Variants in GPN3 observed in about 807,000 individuals in gnomAD.
GPN3 encodes GPN-loop GTPase 3.
In GPN3, 31 loss-of-function variants were observed where a neutral mutation model predicts 38.7. The observed-to-expected ratio is 0.80, with a 90% CI of 0.60 to 1.08. The LOEUF is 1.08. Among genes scored for constraint, GPN3 ranks in the 50% least tolerant of loss-of-function variants. The probability of loss-of-function intolerance (pLI) is 0.00; values close to 1 mark genes in which losing one functional copy is unlikely to be tolerated. For missense variants in GPN3, 301 were observed against 354.4 expected (o/e 0.85, Z 1.21); for synonymous variants, 116 against 120.2 (o/e 0.96, Z 0.23).
At position 110,453,835 on chromosome 12, in the gene GPN3, C is replaced by G. The variant is rs781720993; in HGVS notation, c.700G>C (p.Asp234His). Residue 234 changes from aspartate to histidine, a missense_variant, in exon 7 of 8, where the codon GAT becomes CAT. By Grantham distance (81) the Asp-to-His change is moderately conservative. Transcript: ENST00000228827. ...DYSMVRFLPY[D>H]QSDEESMNIV... Reference sequence around the variant, plus strand: ...TTCATGCTTTCTTCATCTGACTGATCGTAAGGTAAAAATCGAACCATGCTG... The same window carrying G: ...TTCATGCTTTCTTCATCTGACTGATGGTAAGGTAAAAATCGAACCATGCTG... 6.2e-7 allele frequency: 1 copy of G among 1,603,844 alleles called. No individual in the cohort carries two copies.
intron 2 of GPN3, among the ~76,000 whole-genome samples, chr12:110,463,463 G>A (rs1048520639): frequency 3.8e-4 from 57 of 150,174 alleles, no homozygotes; most frequent in African/African-American, 1.3e-3. Context: ...AAAACAAAAC[G>A]ACAACAACAA....
intron 2 of GPN3, chr12:110,461,306 A>T (rs2062587568): frequency 1.7e-6 from 2 of 1,188,952 alleles, no homozygotes; most frequent in Middle Eastern, 2.5e-4. Context: ...TACTTTGGTT[A>T]CCTATGTACC....
chr12:110,461,249 C>G (rs1287812113), intron 2 of GPN3: 1 of 1,326,208 alleles, frequency 7.5e-7, no homozygotes, highest in African/African-American at 1.4e-5. Flanking sequence ...CCGTGTGCAG[C>G]TGTCCAGAAA....
At position 110,458,796 on chromosome 12, in the gene GPN3, A is replaced by G. The variant is rs1008208710; in HGVS notation, c.325+899T>C. On this transcript the variant is annotated intron_variant, in intron 3 of 7. Transcript: ENST00000228827. The surrounding 1 kb of genome is among the most constrained non-coding windows in gnomAD (Gnocchi z 4.4). ...ACTCAGTCTCAAAAAAAAGAAAAAA[A>G]AAAAAGAAAATTCACGATTTGGCTT... Among the ~76,000 whole-genome samples, 1 of 152,138 alleles carries G rather than the reference A, an allele frequency of 6.6e-6. No individual in the cohort carries two copies. The highest frequency in any genetic ancestry group is 2.4e-5 in the African/African-American group (1 of 41,432).
chr12:110,460,146 A>G (rs183972493), intron 2 of GPN3, among the ~76,000 whole-genome samples: 1 of 152,342 alleles, frequency 6.6e-6, no homozygotes, highest in East Asian at 1.9e-4. Context: ...GAAAAATGCA[A>G]GGTGCAGAAC....
Position 110,455,661 on chromosome 12 carries a change from A to G in GPN3, c.588T>C (p.Tyr196=). ...EIEKFLDPDM[Y]SLLEDSTSDL... ...CACTTGTAGAATCTTCTAATAAAGAATACATGTCTGGATCTAAAAATCTTT... is the reference window on the plus strand; with the variant it reads ...CACTTGTAGAATCTTCTAATAAAGAGTACATGTCTGGATCTAAAAATCTTT... Residue 196 remains tyrosine, a synonymous_variant, in exon 6 of 8, where the codon TAT becomes TAC. Coordinates refer to ENST00000228827, the MANE Select transcript of GPN3 (RefSeq NM_016301.4). 1 of 1,342,990 alleles carries G rather than the reference A, an allele frequency of 7.4e-7. No individual in the cohort carries two copies. The highest frequency in any genetic ancestry group is 1.1e-6 in the Non-Finnish European group (1 of 935,776). The allele number at this position is 1,342,990 out of a possible 1,614,324, so 83.2% of individuals were successfully genotyped here.
At chr12:110,466,114 T>C (rs1411748994) in intron 1 of GPN3, among the ~76,000 whole-genome samples, 2 of 152,024 alleles carry the variant, frequency 1.3e-5, no homozygotes, top group Non-Finnish European at 2.9e-5. Flanking sequence ...CTTGTCTGTG[T>C]CATACTCTGT....
chr12:110,464,422 C>T (rs1210909594), intron 2 of GPN3, among the ~76,000 whole-genome samples: 3 of 151,606 alleles, frequency 2.0e-5, no homozygotes, highest in East Asian at 1.9e-4. Flanking sequence ...CGGTGTCTGG[C>T]GTAAAACAGG....
At chr12:110,457,775 C>A (rs182264318) in intron 3 of GPN3, 141 bp from the exon 4 acceptor site, 2 of 516,612 alleles carry the variant, frequency 3.9e-6, no homozygotes, top group Admixed American at 3.6e-5. Flanking sequence ...TCAAAGCAAT[C>A]ATAAAACCTA....
rs143999917 is a variant in GPN3 at position 110,459,840 on chromosome 12, C to T, written c.180G>A (p.Val60=). The change falls in exon 3 of 8, where the codon GTG becomes GTA. Residue 60 remains valine, a synonymous_variant. Coordinates refer to ENST00000228827, the MANE Select transcript of GPN3 (RefSeq NM_016301.4). The part of the protein sequence containing the change: ...VMADIRELIE[V]DDVMEDDSLR... ...GAGAATCATCCTCCATTACATCATC[C>T]ACCTCGATCAGTTCCCGGATGTCTG... 8.2e-5 allele frequency: 133 copies of T among 1,613,962 alleles called. No individual in the cohort carries two copies. Among genetic ancestry groups the T allele is most frequent in the Non-Finnish European group, 1.1e-4 (124 of 1,179,924 alleles).
chr12:110,456,762 A>T (rs1418004368), intron 4 of GPN3, among the ~76,000 whole-genome samples: 1 of 149,020 alleles, frequency 6.7e-6, no homozygotes, highest in African/African-American at 2.5e-5. Flanking sequence ...GATCTTGGCG[A>T]TCTTGGCTCA....
In GPN3 at chr12:110,459,728, C is replaced by A; in HGVS notation, c.292G>T (p.Val98Leu). The change falls in exon 3 of 8, where the codon GTA (valine) becomes TTA (leucine). Residue 98 changes from valine to leucine, a missense_variant. Transcript: ENST00000228827. ...TCAAAAAGGATATAGTCGTCCTCTACATGGCCAAGACAGTTCTCCAGCCAG... is the reference window on the plus strand; with the variant it reads ...TCAAAAAGGATATAGTCGTCCTCTAAATGGCCAAGACAGTTCTCCAGCCAG... ...FDWLENCLGHVEDDYILFDCP... is the reference protein window; with the variant it reads ...FDWLENCLGHLEDDYILFDCP... 1 of 1,613,012 alleles carries A rather than the reference C, an allele frequency of 6.2e-7. No individual in the cohort carries two copies. The highest frequency in any genetic ancestry group is 8.5e-7 in the Non-Finnish European group (1 of 1,178,950).
At chr12:110,466,978 C>G (rs1298788688) in intron 1 of GPN3, among the ~76,000 whole-genome samples, 1 of 151,790 alleles carries the variant, frequency 6.6e-6, no homozygotes, top group Non-Finnish European at 1.5e-5. Context: ...TCCACAGACT[C>G]TAGTGTTTCC....
chr12:110,460,942 C>T (rs1252775342), intron 2 of GPN3: 14 of 918,052 alleles, frequency 1.5e-5, no homozygotes, highest in African/African-American at 6.5e-5. Context: ...CAAGCCCAGG[C>T]GACAGAGCAA....
intron 1 of GPN3, among the ~76,000 whole-genome samples, chr12:110,467,688 T>C (rs2062644038): frequency 8.9e-6 from 1 of 112,830 alleles, no homozygotes; most frequent in Admixed American, 7.9e-5. Flanking sequence ...ATGTACCACC[T>C]ACCACCTAAA....
chr12:110,467,981 A>G lies in GPN3; in HGVS notation c.48+175T>C. On this transcript the variant is annotated intron_variant, in intron 1 of 7. Coordinates refer to ENST00000228827, the MANE Select transcript of GPN3 (RefSeq NM_016301.4). The stretch of plus-strand genomic sequence containing the variant: ...TATACAATAAATATTAACAACTACC[A>G]TTATTTCCCTTTCAAAACAACAACA... The G allele has an allele frequency of 3.4e-6, 3 of 887,202 alleles. No homozygotes were observed. The East Asian group carries it at 7.6e-5, about 22-fold the overall frequency. The allele number at this position is 887,202 out of a possible 1,614,324, so 55.0% of individuals were successfully genotyped here.
Position 110,455,908 on chromosome 12 carries a change from G to T in GPN3, c.473C>A (p.Ala158Asp). The part of the protein sequence containing the change: ...SFKFISGILA[A>D]LSAMISLEIP... ...TTCTAGAGAGATCATGGCACTCAGG[G>T]CTGCCAAGATGCCAGAAATAAACTG... is the stretch of plus-strand genomic sequence containing the variant. The change falls in exon 5 of 8, where the codon GCC becomes GAC. Residue 158 changes from alanine to aspartate, a missense_variant. Physicochemically the swap from Ala to Asp is moderately radical, Grantham distance 126. Coordinates refer to ENST00000228827, the MANE Select transcript of GPN3 (RefSeq NM_016301.4). The T allele has an allele frequency of 6.3e-7, 1 of 1,596,806 alleles. No individual in the cohort carries two copies. The highest frequency in any genetic ancestry group is 8.6e-7 in the Non-Finnish European group (1 of 1,164,318).
Position 110,455,800 on chromosome 12 carries a change from G to A in GPN3, c.566+15C>T. 1.6e-6 allele frequency: 2 copies of A among 1,266,938 alleles called. No individual in the cohort carries two copies. Among genetic ancestry groups the A allele is most frequent in the Non-Finnish European group, 2.3e-6 (2 of 862,926 alleles). 78.5% of individuals were successfully genotyped at this position (1,266,938 alleles called of 1,614,324 possible). On this transcript the variant is annotated intron_variant, in intron 5 of 7. Transcript: ENST00000228827. ...CAACTGAGATCTGATAATAATGGAA[G>A]AACAGTGAACTCACTTCTCAATTTC...
At position 110,457,492 on chromosome 12, in the gene GPN3, A is replaced by T; in HGVS notation, c.450+18T>A. On this transcript the variant is annotated intron_variant, in intron 4 of 7. Transcript: ENST00000228827. Reference sequence around the variant, plus strand: ...AAAAAAAAAAAAAAAAAAATCTGTAAGAGATTTAGCTTCAGACCTTGAATG... The same window carrying T: ...AAAAAAAAAAAAAAAAAAATCTGTATGAGATTTAGCTTCAGACCTTGAATG... 1 of 1,409,920 alleles carries T rather than the reference A, an allele frequency of 7.1e-7. No individual in the cohort carries two copies. Among genetic ancestry groups the T allele is most frequent in the African/African-American group, 1.5e-5 (1 of 67,938 alleles). The allele number at this position is 1,409,920 out of a possible 1,614,324, so 87.3% of individuals were successfully genotyped here.
Sources: allele counts gnomAD v4.1 joint callset (sites outside exome capture counted in the v4.1 genomes callset), GRCh38; gene constraint gnomAD v4.1.1; non-coding constraint Gnocchi (gnomAD v3.1); transcripts MANE v1.5; gene names NCBI Gene and HGNC (gene_info 2026-07-23, HGNC 2026-07-21).